Variants in LIN7A observed in about 807,000 individuals in gnomAD.
The protein encoded by LIN7A is lin-7 cell polarity scaffold A, also known as protein lin-7 homolog A.
A neutral mutation model predicts 29.8 loss-of-function variants in LIN7A; 25 were observed. The observed-to-expected ratio is 0.84, with a 90% CI of 0.61 to 1.17. The LOEUF is 1.17. LIN7A is among the 50% of genes most tolerant of loss of function. The pLI, the probability that LIN7A is intolerant of heterozygous loss-of-function variation, is 0.00. For missense variants in LIN7A, 239 were observed against 287.0 expected (o/e 0.83, Z 1.21); for synonymous variants, 118 against 107.5 (o/e 1.10, Z -0.60).
chr12:80,810,551 C>T (rs1386891651), intron 5 of LIN7A, among the ~76,000 whole-genome samples: 2 of 152,096 alleles, frequency 1.3e-5, no homozygotes, highest in Non-Finnish European at 2.9e-5. Context: ...CTGTATTGAA[C>T]ATGGGAGTGT....
intron 2 of LIN7A, among the ~76,000 whole-genome samples, chr12:80,867,899 T>TA (rs1441234257): frequency 2.0e-5 from 3 of 152,190 alleles, no homozygotes; most frequent in Non-Finnish European, 2.9e-5. Flanking sequence ...TGTAATGTAT[T>TA]AAAAAACTGC....
At chr12:80,896,863 T>C (rs528319857) in intron 1 of LIN7A, among the ~76,000 whole-genome samples, 43 of 152,300 alleles carry the variant, frequency 2.8e-4, no homozygotes, top group Admixed American at 6.5e-4. Flanking sequence ...GAACAATATA[T>C]GATACAAAAT....
Position 80,889,289 on chromosome 12 carries a change from T to A in LIN7A, c.163A>T (p.Lys55Ter). ...VPVHKLQSLK[K>*]VLQSEFCTAI... ...GTACAAAACTCACTCTGAAGCACTT[T>A]TTTGAGGGATTGTAGCTTGTGCACT... Residue 55 changes from lysine (K) to a stop codon, truncating the protein, a stop_gained, in exon 2 of 6, where the codon AAA (lysine) becomes TAA (stop). Transcript: ENST00000552864. LOFTEE classifies it high-confidence loss of function. 6.2e-7 allele frequency: 1 copy of A among 1,612,842 alleles called. No individual in the cohort carries two copies. The highest frequency in any genetic ancestry group is 8.5e-7 in the Non-Finnish European group (1 of 1,179,124).
At chr12:80,811,434 T>C (rs1042262907) in intron 5 of LIN7A, 31 bp downstream of exon 5, 3 of 784,044 alleles carry the variant, frequency 3.8e-6, no homozygotes, top group Non-Finnish European at 4.5e-6. Flanking sequence ...TATATATATA[T>C]ACTCCTTGTA....
At chr12:80,878,597 T>C (rs551192112) in intron 2 of LIN7A, among the ~76,000 whole-genome samples, 6 of 152,302 alleles carry the variant, frequency 3.9e-5, no homozygotes, top group South Asian at 2.1e-4. Context: ...ACTTCCACAG[T>C]ACGGAAAGAG....
At chr12:80,900,440 C>T (rs1299205155) in intron 1 of LIN7A, among the ~76,000 whole-genome samples, 3 of 152,196 alleles carry the variant, frequency 2.0e-5, no homozygotes, top group Non-Finnish European at 2.9e-5. Context: ...TTAGCTGTGT[C>T]ATAGAAATTC....
At chr12:80,925,774 CTTCTAGTGCAA>C (rs1001101432) in intron 1 of LIN7A, among the ~76,000 whole-genome samples, 13 of 152,152 alleles carry the variant, frequency 8.5e-5, no homozygotes, top group Middle Eastern at 3.2e-3. Flanking sequence ...CCAGAAATGA[CTTCTAGTGCAA>C]TAGAAACTTG....
At chr12:80,931,254 A>C (rs1291954498) in intron 1 of LIN7A, among the ~76,000 whole-genome samples, 1 of 152,190 alleles carries the variant, frequency 6.6e-6, no homozygotes, top group Non-Finnish European at 1.5e-5. Context: ...GATGAATGAC[A>C]CACCAAACTA....
At chr12:80,919,376 G>A (rs1340140693) in intron 1 of LIN7A, among the ~76,000 whole-genome samples, 1 of 152,158 alleles carries the variant, frequency 6.6e-6, no homozygotes, top group Non-Finnish European at 1.5e-5. Context: ...GGAGAGCTTG[G>A]GAAGAAGAGA....
intron 4 of LIN7A, among the ~76,000 whole-genome samples, chr12:80,821,038 T>A (rs1191233951): frequency 1.3e-5 from 2 of 152,212 alleles, no homozygotes; most frequent in African/African-American, 4.8e-5. Flanking sequence ...ATCCCCTACA[T>A]ATCCGCCAAG....
At chr12:80,835,810 G>T (rs747286362) in intron 4 of LIN7A, among the ~76,000 whole-genome samples, 5 of 151,972 alleles carry the variant, frequency 3.3e-5, no homozygotes, top group Non-Finnish European at 5.9e-5. Context: ...ATAAGAACTT[G>T]AATTTGAATG....
chr12:80,870,903 T>C (rs2120494468), intron 2 of LIN7A, among the ~76,000 whole-genome samples: 1 of 152,362 alleles, frequency 6.6e-6, no homozygotes, highest in Non-Finnish European at 1.5e-5. Context: ...ATGTGAAAAC[T>C]TCAAATGTAA....
At chr12:80,798,442 C>G (rs552063119) in intron 5 of LIN7A, among the ~76,000 whole-genome samples, 3 of 152,276 alleles carry the variant, frequency 2.0e-5, no homozygotes, top group African/African-American at 7.2e-5. Flanking sequence ...CACTCTCCAG[C>G]TGTCATGCTT....
Position 80,874,883 on chromosome 12 carries a change from C to G in LIN7A, c.201+14368G>C, listed in dbSNP as rs546479703. On this transcript the variant is annotated intron_variant, in intron 2 of 5. Coordinates refer to ENST00000552864, the MANE Select transcript of LIN7A (RefSeq NM_004664.4). ...CCTGTAGTCCCAGAGGCTGAGGGAG[C>G]TGAGGTACTCGGGAGGCTGAGGCAG... 1.9e-4 allele frequency among the ~76,000 whole-genome samples: 29 copies of G among 152,192 alleles called. No individual in the cohort carries two copies. The South Asian group carries it at 6.0e-3, about 32-fold the overall frequency.
At position 80,794,798 on chromosome 12, in the gene LIN7A, CTT is replaced by C. The variant is rs1870372854; in HGVS notation, c.*2927_*2928del. The stretch of plus-strand genomic sequence containing the variant: ...TTATTCTTTCCAAAGTCAATTGTAA[CTT>C]AAGCTCATTATCTCCCTGCAGATGT... On this transcript the variant is annotated 3_prime_UTR_variant, in exon 6 of 6. Coordinates refer to ENST00000552864, the MANE Select transcript of LIN7A (RefSeq NM_004664.4). 1.3e-5 allele frequency: 2 copies of C among 152,130 alleles called. No homozygotes were observed. The highest frequency in any genetic ancestry group is 4.1e-4 in the South Asian group (2 of 4,828). The allele number at this position is 152,130 out of a possible 1,614,324, so 9.4% of individuals were successfully genotyped here. A position where few individuals can be genotyped will look rare whatever the true frequency, so the allele number is the denominator to read the frequency against.
At position 80,834,354 on chromosome 12, in the gene LIN7A, T is replaced by G. The variant is rs1009727613; in HGVS notation, c.483+11376A>C. ...TAAAGCTTAAGATATGCTATATATT[T>G]ACACAGTTGGTGATAATAGGCACCT... is the stretch of plus-strand genomic sequence containing the variant. On this transcript the variant is annotated intron_variant, in intron 4 of 5. Coordinates refer to ENST00000552864, the MANE Select transcript of LIN7A (RefSeq NM_004664.4). Among the ~76,000 whole-genome samples the G allele has an allele frequency of 2.6e-5, 4 of 152,206 alleles. No homozygotes were observed. The East Asian group carries it at 7.7e-4, about 29-fold the overall frequency.
At chr12:80,898,851 CTGAAGT>C (rs1415743162) in intron 1 of LIN7A, among the ~76,000 whole-genome samples, 1 of 152,080 alleles carries the variant, frequency 6.6e-6, no homozygotes, top group Non-Finnish European at 1.5e-5. Flanking sequence ...TGAAATTTTG[CTGAAGT>C]TGTTTATCAG....
intron 2 of LIN7A, among the ~76,000 whole-genome samples, chr12:80,851,005 T>C (rs1204970701): frequency 6.6e-6 from 1 of 152,156 alleles, no homozygotes; most frequent in Non-Finnish European, 1.5e-5. Flanking sequence ...ACCACACAGC[T>C]AATTTGTTGC....
At chr12:80,808,716 A>G (rs566450600) in intron 5 of LIN7A, among the ~76,000 whole-genome samples, 2 of 152,152 alleles carry the variant, frequency 1.3e-5, no homozygotes, top group Admixed American at 6.5e-5. Context: ...CATGTTAGCC[A>G]GGATGGTCTT....
Sources: allele counts gnomAD v4.1 joint callset (sites outside exome capture counted in the v4.1 genomes callset), GRCh38; gene constraint gnomAD v4.1.1; transcripts MANE v1.5; gene names NCBI Gene and HGNC (gene_info 2026-07-23, HGNC 2026-07-21).